Variants in MAP2K3 observed in about 807,000 individuals in gnomAD.
MAP2K3 encodes mitogen-activated protein kinase kinase 3, also known as dual specificity mitogen-activated protein kinase kinase 3.
A neutral mutation model predicts 46.4 loss-of-function variants in MAP2K3; 30 were observed. The observed-to-expected ratio is 0.65, with a 90% CI of 0.48 to 0.88. The LOEUF is 0.88. Among genes scored for constraint, MAP2K3 ranks in the 40% least tolerant of loss-of-function variants. The pLI is 0.00. For missense variants in MAP2K3, 380 were observed against 464.5 expected, an observed-to-expected ratio of 0.82 and a Z score of 1.67; for synonymous variants, 189 against 176.3, an observed-to-expected ratio of 1.07 and a Z score of -0.57.
chr17:21,290,833 CT>C (rs1406459499), intron 1 of MAP2K3, among the ~76,000 whole-genome samples: 14 of 152,294 alleles, frequency 9.2e-5, no homozygotes, highest in African/African-American at 3.1e-4. Flanking sequence ...CGTCTGTAGT[CT>C]CAGCTACTCA....
chr17:21,312,856 A>C (rs1977230122), intron 10 of MAP2K3, among the ~76,000 whole-genome samples: 2 of 151,712 alleles, frequency 1.3e-5, no homozygotes, highest in African/African-American at 2.4e-5. Flanking sequence ...CGGAGGTTGC[A>C]GTGAGCCTGA....
chr17:21,298,888 A>C lies in MAP2K3; in HGVS notation c.127A>C (p.Asn43His). The change falls in exon 3 of 12, where the codon AAC becomes CAC. Residue 43 changes from asparagine (N) to histidine (H), a missense_variant. Transcript: ENST00000342679. ...CTTCTTTCTCCACAGACCCCCCCGGAACCTGGACTCCCGGACCTTCATCAC... is the reference window on the plus strand; with the variant it reads ...CTTCTTTCTCCACAGACCCCCCCGGCACCTGGACTCCCGGACCTTCATCAC... The part of the protein sequence containing the change: ...PPAPNPTPPR[N>H]LDSRTFITIG... 6.2e-7 allele frequency: 1 copy of C among 1,614,300 alleles called. No individual in the cohort carries two copies. The highest frequency in any genetic ancestry group is 8.5e-7 in the Non-Finnish European group (1 of 1,180,056).
chr17:21,304,710 G>A (rs1441403000), intron 8 of MAP2K3, among the ~76,000 whole-genome samples, 157 bp downstream of exon 8: 1 of 152,300 alleles, frequency 6.6e-6, no homozygotes, highest in East Asian at 1.9e-4. Context: ...TTGCTGCCCA[G>A]GGGCAGCCCT....
At chr17:21,290,636 C>T (rs73984411) in intron 1 of MAP2K3, among the ~76,000 whole-genome samples, 7 of 152,304 alleles carry the variant, frequency 4.6e-5, no homozygotes, top group Admixed American at 2.0e-4. Context: ...CCAAGAACCC[C>T]GTTTTTGGTA....
chr17:21,299,067 T>G, intron 3 of MAP2K3, 141 bp downstream of exon 3: 5 of 1,261,660 alleles, frequency 4.0e-6, no homozygotes, highest in Non-Finnish European at 5.7e-6. Flanking sequence ...CGTCCTGCGC[T>G]GCTGGCTGTG....
chr17:21,301,109 G>A, intron 5 of MAP2K3, 116 bp downstream of exon 5: 1 of 1,545,336 alleles, frequency 6.5e-7, no homozygotes. Context: ...TGGCATACTG[G>A]CAGGAGGCTC....
At position 21,302,266 on chromosome 17, in the gene MAP2K3, G is replaced by A. The variant is rs756037453; in HGVS notation, c.516+7G>A. 6.2e-7 allele frequency: 1 copy of A among 1,613,506 alleles called. No homozygotes were observed. The highest frequency in any genetic ancestry group is 1.7e-5 in the Admixed American group (1 of 60,026). On this transcript the variant is annotated splice_region_variant and intron_variant, in intron 6 of 11. Transcript: ENST00000342679. Reference sequence around the variant, plus strand: ...TGGGGAGATTGCTGTGTCTGTGAGTGGCCTGGGTGGGCTGGCGGGGGGTCC... The same window carrying A: ...TGGGGAGATTGCTGTGTCTGTGAGTAGCCTGGGTGGGCTGGCGGGGGGTCC...
intron 7 of MAP2K3, 99 bp downstream of exon 7, chr17:21,303,333 A>G: frequency 6.5e-7 from 1 of 1,533,736 alleles, no homozygotes; most frequent in Non-Finnish European, 8.9e-7. Flanking sequence ...TGGCTCCGAG[A>G]GGTGATAGGT....
chr17:21,300,345 T>C, intron 3 of MAP2K3, 200 bp from the exon 4 acceptor site: 1 of 619,332 alleles, frequency 1.6e-6, no homozygotes, highest in Non-Finnish European at 2.9e-6. Context: ...GCACTGTGCC[T>C]GTTTTATAGA....
chr17:21,304,764 GT>G (rs1472082027), intron 8 of MAP2K3, among the ~76,000 whole-genome samples: 10 of 152,308 alleles, frequency 6.6e-5, no homozygotes, highest in Admixed American at 3.3e-4. Flanking sequence ...CCCCAGTTGG[GT>G]GATAAGCTCA....
At chr17:21,286,201 C>T (rs1482527932) in intron 1 of MAP2K3, among the ~76,000 whole-genome samples, 1 of 152,252 alleles carries the variant, frequency 6.6e-6, no homozygotes, top group South Asian at 2.1e-4. Context: ...AGAGCCGGTG[C>T]TCACCAGGGT....
chr17:21,291,645 C>A (rs563737215), intron 1 of MAP2K3: 2 of 453,882 alleles, frequency 4.4e-6, no homozygotes, highest in Non-Finnish European at 8.9e-6. Context: ...TGGGGCCTGC[C>A]CCACAGTGTG....
chr17:21,301,501 TG>T (rs1976598288), intron 5 of MAP2K3, among the ~76,000 whole-genome samples: 1 of 152,430 alleles, frequency 6.6e-6, no homozygotes, highest in East Asian at 1.9e-4. Context: ...TAGGCGATGC[TG>T]GGCTCATACT....
intron 1 of MAP2K3, among the ~76,000 whole-genome samples, chr17:21,296,560 G>A (rs1976263573): frequency 6.6e-6 from 1 of 152,308 alleles, no homozygotes; most frequent in Non-Finnish European, 1.5e-5. Context: ...GGGTCTGCGA[G>A]TCAATAAACT....
At chr17:21,307,382 A>AGG (rs1976942460) in intron 9 of MAP2K3, among the ~76,000 whole-genome samples, 1 of 145,654 alleles carries the variant, frequency 6.9e-6, no homozygotes, top group African/African-American at 2.5e-5. Flanking sequence ...TGGAGCAGGT[A>AGG]GGGGTGGCTC....
rs1369016992 is a variant in MAP2K3, at chr17:21,284,778, A to AGTCGCC, written c.-141_-136dup. On this transcript the variant is annotated 5_prime_UTR_variant, in exon 1 of 12. Coordinates refer to ENST00000342679, the MANE Select transcript of MAP2K3 (RefSeq NM_145109.3). ...CAGTCGCCGCCGCAGTCCTCGCCGCAGTCGCCGCCGCCGCCGCCGCCGCCG... is the reference window on the plus strand; with the variant it reads ...CAGTCGCCGCCGCAGTCCTCGCCGCAGTCGCCGTCGCCGCCGCCGCCGCCGCCGCCG... 1 of 869,494 alleles carries AGTCGCC rather than the reference A, an allele frequency of 1.2e-6. No homozygotes were observed. Among genetic ancestry groups the AGTCGCC allele is most frequent in the Non-Finnish European group, 1.7e-6 (1 of 600,680 alleles). The allele number at this position is 869,494 out of a possible 1,614,324, so 53.9% of individuals were successfully genotyped here. A position where few individuals can be genotyped will look rare whatever the true frequency, so the allele number is the denominator to read the frequency against.
At chr17:21,312,781 G>A (rs1279269786) in intron 10 of MAP2K3, among the ~76,000 whole-genome samples, 1 of 152,142 alleles carries the variant, frequency 6.6e-6, no homozygotes, top group East Asian at 1.9e-4. Context: ...CGGGCGTGGT[G>A]GCGCATGCCT....
chr17:21,308,246 C>G (rs1271705635), intron 9 of MAP2K3, among the ~76,000 whole-genome samples: 1 of 152,288 alleles, frequency 6.6e-6, no homozygotes, highest in Non-Finnish European at 1.5e-5. Flanking sequence ...CTCCCAGGTT[C>G]AAGCAATTCT....
chr17:21,291,711 G>T, intron 1 of MAP2K3: 1 of 401,204 alleles, frequency 2.5e-6, no homozygotes, highest in Non-Finnish European at 5.0e-6. Context: ...GGGATTTTGT[G>T]TGCATGGACT....
Sources: gnomAD v4.1 joint callset for allele counts (sites outside exome capture counted in the v4.1 genomes callset) on GRCh38, gnomAD v4.1.1 for gene constraint, MANE v1.5 for transcripts, NCBI Gene and HGNC (gene_info 2026-07-23, HGNC 2026-07-21) for gene names.